The following ADAMTS20 variants were observed in gnomAD, a reference collection of about 807,000 sequenced individuals.
The protein encoded by ADAMTS20 is ADAM metallopeptidase with thrombospondin type 1 motif 20, also known as A disintegrin and metalloproteinase with thrombospondin motifs 20.
ADAMTS20 carries 225 observed loss-of-function variants against 260.1 expected under a neutral mutation model. That is an observed-to-expected ratio of 0.87 (90% CI 0.78 to 0.97). The LOEUF (loss-of-function observed/expected upper bound fraction) is 0.97, where lower values mean the gene tolerates loss of function less well. ADAMTS20 is among the 50% of genes least tolerant of loss of function. ADAMTS20 has a pLI of 0.00. For missense variants in ADAMTS20, 2,400 were observed against 2,337.7 expected (o/e 1.03, Z -0.55); for synonymous variants, 802 against 769.5 (o/e 1.04, Z -0.70).
chr12:43,381,153 C>A (rs1940340714), intron 31 of ADAMTS20, among the ~76,000 whole-genome samples: 1 of 152,024 alleles, frequency 6.6e-6, no homozygotes, highest in Non-Finnish European at 1.5e-5. Flanking sequence ...AAAGAATAAT[C>A]TTTTCATGCA....
chr12:43,397,567 C>A (rs2137249625), intron 29 of ADAMTS20, among the ~76,000 whole-genome samples: 1 of 151,944 alleles, frequency 6.6e-6, no homozygotes, highest in East Asian at 1.9e-4. Flanking sequence ...ACTATGGAGG[C>A]AAGGAAAAAG....
intron 7 of ADAMTS20, among the ~76,000 whole-genome samples, chr12:43,478,810 C>A (rs1320630886): frequency 1.3e-5 from 2 of 152,030 alleles, no homozygotes; most frequent in Non-Finnish European, 2.9e-5. Flanking sequence ...CAGGAAAAAA[C>A]TGAAACCTAT....
At chr12:43,546,591 G>T (rs537322852) in intron 2 of ADAMTS20, among the ~76,000 whole-genome samples, 1 of 152,194 alleles carries the variant, frequency 6.6e-6, no homozygotes, top group African/African-American at 2.4e-5. Context: ...CTCTAAATAC[G>T]TTGGCAAGAG....
At chr12:43,507,918 C>A (rs1483461343) in intron 3 of ADAMTS20, among the ~76,000 whole-genome samples, 1 of 152,026 alleles carries the variant, frequency 6.6e-6, no homozygotes. Context: ...TTCTCACTTA[C>A]AAGTGGAAGC....
At chr12:43,403,918 A>G (rs550759500) in intron 28 of ADAMTS20, among the ~76,000 whole-genome samples, 2 of 152,016 alleles carry the variant, frequency 1.3e-5, no homozygotes, top group African/African-American at 2.4e-5. Flanking sequence ...ACATGTCATC[A>G]TATCATTTCC....
At chr12:43,455,027 A>C (rs1431942944) in intron 11 of ADAMTS20, among the ~76,000 whole-genome samples, 1 of 152,122 alleles carries the variant, frequency 6.6e-6, no homozygotes, top group Non-Finnish European at 1.5e-5. Flanking sequence ...CTGAAGCCCT[A>C]TACCCATTAA....
At chr12:43,526,432 T>C (rs1389378504) in intron 3 of ADAMTS20, among the ~76,000 whole-genome samples, 1 of 152,106 alleles carries the variant, frequency 6.6e-6, no homozygotes, top group African/African-American at 2.4e-5. Flanking sequence ...CACTCCAGCC[T>C]GAGTGACAGA....
At chr12:43,533,239 T>C (rs1331474693) in intron 2 of ADAMTS20, among the ~76,000 whole-genome samples, 15 of 135,298 alleles carry the variant, frequency 1.1e-4, no homozygotes, top group African/African-American at 4.0e-4. Context: ...TTTTTAATGA[T>C]TGCCATTCTA....
chr12:43,467,005 C>A (rs1031948119), intron 8 of ADAMTS20, among the ~76,000 whole-genome samples: 1 of 132,628 alleles, frequency 7.5e-6, no homozygotes, highest in African/African-American at 2.6e-5. Context: ...GGTGATCTGG[C>A]ATCTGAATCT....
At chr12:43,456,966 G>A (rs1239773531) in intron 11 of ADAMTS20, among the ~76,000 whole-genome samples, 1 of 152,144 alleles carries the variant, frequency 6.6e-6, no homozygotes, top group East Asian at 1.9e-4. Context: ...AAAAGAACCA[G>A]GAAGTTAAAC....
intron 3 of ADAMTS20, among the ~76,000 whole-genome samples, chr12:43,530,478 G>A (rs748216258): frequency 2.6e-5 from 4 of 152,176 alleles, no homozygotes; most frequent in South Asian, 4.1e-4. Context: ...TTTAAAACAC[G>A]GCCTTAGACA....
At chr12:43,540,114 T>C (rs972420928) in intron 2 of ADAMTS20, among the ~76,000 whole-genome samples, 2 of 151,916 alleles carry the variant, frequency 1.3e-5, no homozygotes, top group Non-Finnish European at 2.9e-5. Flanking sequence ...GATCTCCTGA[T>C]CCGCCTCAGC....
intron 28 of ADAMTS20, among the ~76,000 whole-genome samples, chr12:43,401,085 C>G (rs551796169): frequency 1.3e-5 from 2 of 151,804 alleles, no homozygotes; most frequent in Admixed American, 6.6e-5. Context: ...ATACCAAATA[C>G]CATTAAAAGG....
At chr12:43,433,205 A>G (rs753254737) in intron 19 of ADAMTS20, among the ~76,000 whole-genome samples, 4 of 152,220 alleles carry the variant, frequency 2.6e-5, no homozygotes, top group Non-Finnish European at 4.4e-5. Context: ...GACTACATCA[A>G]TAAAAATAAA....
intron 29 of ADAMTS20, among the ~76,000 whole-genome samples, chr12:43,386,289 C>T (rs1241002147): frequency 6.6e-6 from 1 of 152,136 alleles, no homozygotes; most frequent in African/African-American, 2.4e-5. Flanking sequence ...AAATTCTTTT[C>T]TTTAAAAATG....
intron 3 of ADAMTS20, among the ~76,000 whole-genome samples, chr12:43,530,913 A>G (rs1943212000): frequency 6.6e-6 from 1 of 152,034 alleles, no homozygotes; most frequent in Non-Finnish European, 1.5e-5. Flanking sequence ...TCTCTCATAG[A>G]TTGGTGAAAC....
rs1943513738 is a variant in ADAMTS20 at position 43,551,329 on chromosome 12, A to ATGAGGTGG, written c.92-60_92-59insCCACCTCA. ...ACGCGTTCCTCATTGTCCAACTCTAAACTTCTTCCACCAAACGTCCCCGCT... is the reference window on the plus strand; with the variant it reads ...ACGCGTTCCTCATTGTCCAACTCTAATGAGGTGGACTTCTTCCACCAAACGTCCCCGCT... On this transcript the variant is annotated intron_variant, in intron 1 of 38. Coordinates refer to ENST00000389420, the MANE Select transcript of ADAMTS20 (RefSeq NM_025003.5). This position sits in a 1 kb window ranked among gnomAD's most constrained non-coding sequence, Gnocchi z 4.6. The ATGAGGTGG allele has an allele frequency of 6.4e-7, 1 of 1,554,418 alleles. No homozygotes were observed. Among genetic ancestry groups the ATGAGGTGG allele is most frequent in the Admixed American group, 1.8e-5 (1 of 54,528 alleles).
intron 3 of ADAMTS20, 43 bp from the exon 4 acceptor site, chr12:43,502,448 A>G (rs1474270672): frequency 6.5e-7 from 1 of 1,548,286 alleles, no homozygotes; most frequent in Non-Finnish European, 8.6e-7. Flanking sequence ...ATTAAATTGG[A>G]TGTGACGAAA....
chr12:43,474,313 C>A (rs1942314441), intron 7 of ADAMTS20, among the ~76,000 whole-genome samples: 1 of 145,548 alleles, frequency 6.9e-6, no homozygotes, highest in Non-Finnish European at 1.5e-5. Flanking sequence ...TCTGAATAGA[C>A]CAATAACAGG....
Sources: allele counts gnomAD v4.1 joint callset (sites outside exome capture counted in the v4.1 genomes callset), GRCh38; gene constraint gnomAD v4.1.1; non-coding constraint Gnocchi (gnomAD v3.1); transcripts MANE v1.5; gene names NCBI Gene and HGNC (gene_info 2026-07-23, HGNC 2026-07-21).